SCARB2: variants seen among roughly 807,000 people sequenced by gnomAD.
SCARB2 encodes scavenger receptor class B member 2, also known as lysosome membrane protein 2.
A neutral mutation model predicts 58.6 loss-of-function variants in SCARB2; 29 were observed. The ratio of observed to expected loss-of-function variants is 0.49; its 90% CI spans 0.37 to 0.67. The LOEUF (loss-of-function observed/expected upper bound fraction) is 0.67, where lower values mean the gene tolerates loss of function less well. Ranked by LOEUF, SCARB2 falls within the 30% of genes least tolerant of loss-of-function variation. The probability of loss-of-function intolerance (pLI) is 0.00; values close to 1 mark genes in which losing one functional copy is unlikely to be tolerated. For missense variants in SCARB2, 488 were observed against 578.5 expected (o/e 0.84, Z 1.60); for synonymous variants, 195 against 210.1 (o/e 0.93, Z 0.62).
intron 10 of SCARB2, chr4:76,163,683 C>T: frequency 2.4e-6 from 1 of 416,174 alleles, no homozygotes; most frequent in East Asian, 5.1e-5. Flanking sequence ...TCCAATTCAT[C>T]CTTAAAAATC....
Position 76,168,352 on chromosome 4 carries a change from G to A in SCARB2, c.1187+51C>T, listed in dbSNP as rs750590808. 2.2e-5 allele frequency: 31 copies of A among 1,381,350 alleles called. No individual in the cohort carries two copies. The Middle Eastern group carries it at 1.4e-3, about 63-fold the overall frequency. The allele number at this position is 1,381,350 out of a possible 1,614,324, so 85.6% of individuals were successfully genotyped here. On this transcript the variant is annotated intron_variant, in intron 9 of 11. Coordinates refer to ENST00000264896, the MANE Select transcript of SCARB2 (RefSeq NM_005506.4). ...CCTCCTGACATCAACCCCACCAGAC[G>A]GGCAATGGAGCAAAACTGCTGTCCC...
chr4:76,198,860 G>A (rs1453441226), intron 1 of SCARB2, among the ~76,000 whole-genome samples: 1 of 149,262 alleles, frequency 6.7e-6, no homozygotes, highest in African/African-American at 2.4e-5. Flanking sequence ...GTGTGTGTGT[G>A]TGTGTGTGTG....
rs183847042 is a variant in SCARB2, at chr4:76,168,351, C to T, written c.1187+52G>A. ...TCCTCCTGACATCAACCCCACCAGA[C>T]GGGCAATGGAGCAAAACTGCTGTCC... On this transcript the variant is annotated intron_variant, in intron 9 of 11. Coordinates refer to ENST00000264896, the MANE Select transcript of SCARB2 (RefSeq NM_005506.4). The T allele has an allele frequency of 2.7e-3, 3,758 of 1,381,750 alleles. 104 individuals are homozygous for T. The South Asian group carries it at 0.041, about 15-fold the overall frequency. The allele number at this position is 1,381,750 out of a possible 1,614,324, so 85.6% of individuals were successfully genotyped here.
rs1560705469 is a variant in SCARB2 at position 76,168,440 on chromosome 4, G to A, written c.1150C>T (p.Gln384Ter). 1 of 1,614,078 alleles carries A rather than the reference G, an allele frequency of 6.2e-7. No homozygotes were observed. Among genetic ancestry groups the A allele is most frequent in the Non-Finnish European group, 8.5e-7 (1 of 1,179,976 alleles). The change falls in exon 9 of 12, where the codon CAA becomes TAA. Residue 384 changes from glutamine to a stop codon, truncating the protein, a stop_gained. Transcript: ENST00000264896. LOFTEE classifies it high-confidence loss of function. ...GIILKAAKRF[Q>*]INIYVKKLDD... ...AATTTTTTGACATAAATGTTGATTT[G>A]GAACCTCTTGGCTGCTTTTAGGATT...
chr4:76,232,079 G>C (rs1733502769), intron 1 of SCARB2, among the ~76,000 whole-genome samples: 1 of 152,172 alleles, frequency 6.6e-6, no homozygotes, highest in African/African-American at 2.4e-5. Context: ...AATTTTAGAG[G>C]AACCAGGCAG....
rs1459590043 is a variant in SCARB2, at chr4:76,159,818, T to C, written c.*1895A>G. 6.6e-6 allele frequency: 1 copy of C among 152,204 alleles called. No homozygotes were observed. The allele number at this position is 152,204 out of a possible 1,614,324, so 9.4% of individuals were successfully genotyped here. ...ATGTGTATATCATTAACTGTTATCA[T>C]TTACAGTATTTAAAATATCCTCCTC... On this transcript the variant is annotated 3_prime_UTR_variant, in exon 12 of 12. Transcript: ENST00000264896.
At chr4:76,195,550 C>T (rs1355549730) in intron 2 of SCARB2, 157 bp downstream of exon 2, 2 of 658,310 alleles carry the variant, frequency 3.0e-6, no homozygotes, top group African/African-American at 3.6e-5. Flanking sequence ...TGAGGTTTCA[C>T]ACACACATAC....
intron 1 of SCARB2, among the ~76,000 whole-genome samples, chr4:76,220,335 G>A (rs1733286580): frequency 6.6e-6 from 1 of 152,140 alleles, no homozygotes; most frequent in Admixed American, 6.6e-5. Flanking sequence ...CTATAAAAAG[G>A]AAAGAAATAG....
chr4:76,211,436 G>C (rs187149511), intron 1 of SCARB2, among the ~76,000 whole-genome samples: 1 of 152,346 alleles, frequency 6.6e-6, no homozygotes, highest in South Asian at 2.1e-4. Flanking sequence ...CAAATCTCAC[G>C]TATTTTCTTT....
chr4:76,191,116 T>A (rs1732596813), intron 2 of SCARB2, among the ~76,000 whole-genome samples: 1 of 152,224 alleles, frequency 6.6e-6, no homozygotes, highest in Admixed American at 6.5e-5. Flanking sequence ...TAGATACTGA[T>A]CCTGGTTCAA....
At chr4:76,219,746 G>C (rs1426204300) in intron 1 of SCARB2, among the ~76,000 whole-genome samples, 1 of 151,876 alleles carries the variant, frequency 6.6e-6, no homozygotes, top group African/African-American at 2.4e-5. Context: ...GGAATGGGGG[G>C]CTTAGATATT....
chr4:76,210,171 C>T (rs948158879), intron 1 of SCARB2, among the ~76,000 whole-genome samples: 3 of 152,120 alleles, frequency 2.0e-5, no homozygotes, highest in Admixed American at 6.5e-5. Flanking sequence ...TTATAGATAT[C>T]ATATTATTTC....
chr4:76,231,689 C>A (rs1200925484), intron 1 of SCARB2, among the ~76,000 whole-genome samples: 1 of 152,186 alleles, frequency 6.6e-6, no homozygotes, highest in Non-Finnish European at 1.5e-5. Context: ...CACAAGGAAT[C>A]AGATAAGACC....
intron 2 of SCARB2, chr4:76,194,468 T>C (rs981510023): frequency 6.6e-6 from 1 of 151,596 alleles, no homozygotes; most frequent in African/African-American, 2.4e-5. Context: ...AACTAGTAAG[T>C]TGCAGAGGCG....
chr4:76,207,381 C>A (rs1732950244), intron 1 of SCARB2, among the ~76,000 whole-genome samples: 1 of 152,090 alleles, frequency 6.6e-6, no homozygotes, highest in Non-Finnish European at 1.5e-5. Flanking sequence ...ATGAGGGGCC[C>A]AGGAGTTTAA....
chr4:76,184,689 G>C, intron 2 of SCARB2: 1 of 250,506 alleles, frequency 4.0e-6, no homozygotes, highest in Non-Finnish European at 7.8e-6. Context: ...GGCTAAGGTG[G>C]GAGGATGGCT....
At position 76,161,082 on chromosome 4, in the gene SCARB2, C is replaced by T; in HGVS notation, c.*631G>A. 1 of 155,694 alleles carries T rather than the reference C, an allele frequency of 6.4e-6. No homozygotes were observed. Among genetic ancestry groups the T allele is most frequent in the South Asian group, 2.0e-4 (1 of 5,058 alleles). The allele number at this position is 155,694 out of a possible 1,614,324, so 9.6% of individuals were successfully genotyped here. A position where few individuals can be genotyped will look rare whatever the true frequency, so the allele number is the denominator to read the frequency against. ...CTATCAACTCATGGGTATTGCCCCA[C>T]CCAACCCCTTTCCCATTTGATTCTA... On this transcript the variant is annotated 3_prime_UTR_variant, in exon 12 of 12. Transcript: ENST00000264896.
chr4:76,230,421 G>A (rs1258641472), intron 1 of SCARB2, among the ~76,000 whole-genome samples: 1 of 152,070 alleles, frequency 6.6e-6, no homozygotes, highest in Non-Finnish European at 1.5e-5. Context: ...CTCAGACCTT[G>A]CCCCAGGCTA....
At chr4:76,169,789 G>A in intron 8 of SCARB2, 78 bp downstream of exon 8, 3 of 1,162,954 alleles carry the variant, frequency 2.6e-6, no homozygotes, top group East Asian at 2.3e-5. Context: ...TTTAAAGAAG[G>A]CTCAGGACTA....
Sources: gnomAD v4.1 joint callset for allele counts (sites outside exome capture counted in the v4.1 genomes callset) on GRCh38, gnomAD v4.1.1 for gene constraint, MANE v1.5 for transcripts, NCBI Gene and HGNC (gene_info 2026-07-23, HGNC 2026-07-21) for gene names.